Variants in ZNF503 observed in about 807,000 individuals in gnomAD.
ZNF503 encodes the protein NocA-like zinc finger 2.
A neutral mutation model predicts 34.4 loss-of-function variants in ZNF503; 15 were observed. The observed-to-expected ratio is 0.44, with a 90% confidence interval of 0.29 to 0.67. The LOEUF (loss-of-function observed/expected upper bound fraction) is 0.67. Among genes scored for constraint, ZNF503 ranks in the 30% least tolerant of loss-of-function variants. The pLI, the probability that ZNF503 is intolerant of heterozygous loss-of-function variation, is 0.13. For missense variants in ZNF503, 1,007 were observed against 926.8 expected (o/e 1.09, Z -1.12); for synonymous variants, 580 against 456.8 (o/e 1.27, Z -3.44).
chr10:75,399,087 G>A lies in ZNF503; in HGVS notation c.1603C>T (p.Leu535=), dbSNP rs1843743619. 2 of 1,613,598 alleles carry A rather than the reference G, an allele frequency of 1.2e-6. No individual in the cohort carries two copies. Among genetic ancestry groups the A allele is most frequent in the Non-Finnish European group, 1.7e-6 (2 of 1,179,868 alleles). ...GTATGGGTCCGCAAGTGGCTCAGCA[G>A]CTCTTCGGACGTGGCGAAGCGCTTG... The part of the protein sequence containing the change: ...CDKRFATSEE[L]LSHLRTHTAF... Residue 535 remains leucine (L), a synonymous_variant, in exon 2 of 2, where the codon CTG becomes TTG. Transcript: ENST00000372524.
chr10:75,337,504 G>C, the ZNF503 span, among the ~76,000 whole-genome samples: 1 of 150,914 alleles, frequency 6.6e-6, no homozygotes, highest in East Asian at 1.9e-4. Context: ...TGTAATCCCA[G>C]CTACTCAGGA....
chr10:75,281,561 G>T, the ZNF503 span, among the ~76,000 whole-genome samples: 1 of 152,166 alleles, frequency 6.6e-6, no homozygotes. Context: ...TCATGCCCCA[G>T]CTGCAGATGG....
At chr10:75,373,614 G>A in the ZNF503 span, 1 of 152,256 alleles carries the variant, frequency 6.6e-6, no homozygotes, top group Non-Finnish European at 1.5e-5. Context: ...GGCTGAGGGA[G>A]AGGCACTGGA....
chr10:75,289,720 G>A, the ZNF503 span, among the ~76,000 whole-genome samples: 7 of 152,012 alleles, frequency 4.6e-5, no homozygotes, highest in Non-Finnish European at 7.4e-5. Flanking sequence ...CAAGTAGCTG[G>A]GACTGCAGCT....
At chr10:75,329,403 TTCCTTCCTTCCTTTCC>T in the ZNF503 span, among the ~76,000 whole-genome samples, 667 of 86,226 alleles carry the variant, frequency 7.7e-3, 6 homozygotes, top group South Asian at 0.042. Flanking sequence ...CCTTCCTTCC[TTCCTTCCTTCCTTTCC>T]TTCCTTCCTT....
chr10:75,340,440 G>A, the ZNF503 span, among the ~76,000 whole-genome samples: 2 of 152,140 alleles, frequency 1.3e-5, no homozygotes, highest in African/African-American at 4.8e-5. Context: ...TTGGACAAGT[G>A]CACAAAGATC....
At chr10:75,400,953 A>T in intron 1 of ZNF503, 152 bp downstream of exon 1, 1 of 1,129,130 alleles carries the variant, frequency 8.9e-7, no homozygotes, top group Non-Finnish European at 1.3e-6. Context: ...TTTCCGCCCT[A>T]GTTTTGAGGT....
chr10:75,351,826 C>T, the ZNF503 span, among the ~76,000 whole-genome samples: 3 of 152,258 alleles, frequency 2.0e-5, no homozygotes, highest in South Asian at 2.1e-4. Flanking sequence ...TTCCTAGTTC[C>T]ACCACCAACT....
the ZNF503 span, among the ~76,000 whole-genome samples, chr10:75,323,753 C>G: frequency 9.9e-5 from 15 of 152,036 alleles, no homozygotes; most frequent in Admixed American, 3.3e-4. Context: ...GTAATCCCAG[C>G]ACTTTGGGAG....
chr10:75,401,147 C>T lies in ZNF503; in HGVS notation c.273G>A (p.Glu91=). ...GCGTGGAAGGCAGGGGCTGCAGGTA[C>T]TCGGGGTGCAAAATGTGGCCAGTTC... ...TARTGHILHP[E]YLQPLPSTPV... is the part of the protein sequence containing the mutation. Residue 91 remains glutamate, a synonymous_variant, in exon 1 of 2, where the codon GAG becomes GAA. Coordinates refer to ENST00000372524, the MANE Select transcript of ZNF503 (RefSeq NM_032772.6). The T allele has an allele frequency of 6.2e-7, 1 of 1,612,474 alleles. No homozygotes were observed. The highest frequency in any genetic ancestry group is 1.3e-5 in the African/African-American group (1 of 74,990).
At chr10:75,389,062 G>A in the ZNF503 span, among the ~76,000 whole-genome samples, 9 of 152,288 alleles carry the variant, frequency 5.9e-5, 1 homozygote, top group African/African-American at 1.2e-4. Flanking sequence ...GATGTGGAGC[G>A]TGTAGAATTC....
the ZNF503 span, among the ~76,000 whole-genome samples, chr10:75,321,905 GCTA>G: frequency 2.6e-5 from 4 of 152,080 alleles, no homozygotes; most frequent in African/African-American, 9.7e-5. Context: ...ATTTAAGGAG[GCTA>G]CAGAAATTTG....
the ZNF503 span, among the ~76,000 whole-genome samples, chr10:75,311,670 C>CA: frequency 0.2 from 21,367 of 109,054 alleles, 2,123 homozygotes; most frequent in Non-Finnish European, 0.25. Flanking sequence ...CTAAAAATAC[C>CA]AAAAAAAAAA....
At chr10:75,326,497 T>C in the ZNF503 span, among the ~76,000 whole-genome samples, 1 of 152,324 alleles carries the variant, frequency 6.6e-6, no homozygotes, top group East Asian at 1.9e-4. Flanking sequence ...AAATATATAA[T>C]GATGAGTTGG....
At chr10:75,387,288 G>C in the ZNF503 span, among the ~76,000 whole-genome samples, 1 of 152,338 alleles carries the variant, frequency 6.6e-6, no homozygotes, top group East Asian at 1.9e-4. Flanking sequence ...GAAGTGCACA[G>C]GTTTTATTGG....
the ZNF503 span, among the ~76,000 whole-genome samples, chr10:75,310,101 A>G: frequency 6.6e-6 from 1 of 152,250 alleles, no homozygotes; most frequent in African/African-American, 2.4e-5. Context: ...TATGTCCATT[A>G]GATCAAGAGC....
At chr10:75,347,224 G>A in the ZNF503 span, among the ~76,000 whole-genome samples, 442 of 152,328 alleles carry the variant, frequency 2.9e-3, 2 homozygotes, top group African/African-American at 0.01. Flanking sequence ...CAATTAATTT[G>A]CAAAATACAG....
chr10:75,400,956 T>C (rs1213435533), intron 1 of ZNF503, 149 bp downstream of exon 1: 8 of 1,187,074 alleles, frequency 6.7e-6, no homozygotes, highest in Non-Finnish European at 1.2e-6. Flanking sequence ...CCGCCCTAGT[T>C]TTGAGGTACG....
the ZNF503 span, among the ~76,000 whole-genome samples, chr10:75,302,244 G>T: frequency 6.6e-6 from 1 of 152,142 alleles, no homozygotes; most frequent in Admixed American, 6.6e-5. Context: ...CCATTGTATT[G>T]TTGTTCTTCC....
Sources: allele counts gnomAD v4.1 joint callset (sites outside exome capture counted in the v4.1 genomes callset), GRCh38; gene constraint gnomAD v4.1.1; transcripts MANE v1.5; gene names NCBI Gene and HGNC (gene_info 2026-07-23, HGNC 2026-07-21).